The following ADRA1A variants were observed in gnomAD, a reference collection of about 807,000 sequenced individuals.
ADRA1A encodes the protein adrenoceptor alpha 1A, also known as alpha-1A adrenergic receptor.
A neutral mutation model predicts 29.6 loss-of-function variants in ADRA1A; 31 were observed. That is an observed-to-expected ratio of 1.05 (90% CI 0.79 to 1.41). The LOEUF (loss-of-function observed/expected upper bound fraction) is 1.41. Among genes scored for constraint, ADRA1A ranks in the 40% most tolerant of loss-of-function variants. The probability of loss-of-function intolerance (pLI) is 0.00; values close to 1 mark genes in which losing one functional copy is unlikely to be tolerated. For synonymous variants in ADRA1A, 311 were observed against 254.3 expected, an observed-to-expected ratio of 1.22 and a Z score of -2.12; for missense variants, 619 against 601.1, an observed-to-expected ratio of 1.03 and a Z score of -0.31.
downstream of ADRA1A, among the ~76,000 whole-genome samples, chr8:26,764,794 C>T (rs1805681726): frequency 6.6e-6 from 1 of 152,214 alleles, no homozygotes; most frequent in African/African-American, 2.4e-5. Flanking sequence ...TTTCTCTCTA[C>T]TGCGTTTGAA....
chr8:26,823,110 T>G lies in ADRA1A; in HGVS notation c.883+40977A>C, dbSNP rs1810299812. Among the ~76,000 whole-genome samples, 1 of 152,212 alleles carries G rather than the reference T, an allele frequency of 6.6e-6. No individual in the cohort carries two copies. Among genetic ancestry groups the G allele is most frequent in the Non-Finnish European group, 1.5e-5 (1 of 68,034 alleles). On this transcript the variant is annotated intron_variant, in intron 2 of 2. Transcript: ENST00000380573. The surrounding 1 kb of genome is among the most constrained non-coding windows in gnomAD (Gnocchi z 4.2). ...TTTTCTCTCCTTTCCAACTGTGAAC[T>G]GTAATTTTTTGTTATAGGCATTAAC...
At position 26,864,458 on chromosome 8, in the gene ADRA1A, T is replaced by C. The variant is rs1204831166; in HGVS notation, c.512A>G (p.Glu171Gly). 1 of 1,613,494 alleles carries C rather than the reference T, an allele frequency of 6.2e-7. No individual in the cohort carries two copies. The highest frequency in any genetic ancestry group is 1.7e-5 in the Admixed American group (1 of 60,026). ...PLFGWRQPAP[E>G]DETICQINEE... Reference sequence around the variant, plus strand: ...GTTGATCTGGCAGATGGTCTCGTCCTCGGGGGCCGGCTGCCTCCAGCCGAA... The same window carrying C: ...GTTGATCTGGCAGATGGTCTCGTCCCCGGGGGCCGGCTGCCTCCAGCCGAA... The change falls in exon 2 of 3, where the codon GAG (glutamate) becomes GGG (glycine). Residue 171 changes from glutamate (E) to glycine (G), a missense_variant. By Grantham distance (98) the Glu-to-Gly change is moderately conservative. Transcript: ENST00000380573. This position sits in a 1 kb window ranked among gnomAD's most constrained non-coding sequence, Gnocchi z 8.1.
chr8:26,861,292 C>T (rs1185086873), intron 2 of ADRA1A, among the ~76,000 whole-genome samples: 2 of 142,816 alleles, frequency 1.4e-5, no homozygotes, highest in Non-Finnish European at 3.0e-5. Flanking sequence ...GACCTGACCC[C>T]CAGAGGCTCT....
At chr8:26,814,459 G>A (rs915900310) in intron 2 of ADRA1A, among the ~76,000 whole-genome samples, 1 of 152,154 alleles carries the variant, frequency 6.6e-6, no homozygotes, top group African/African-American at 2.4e-5. Context: ...ATGGGGTCTT[G>A]CTATGTTGCC....
At chr8:26,859,022 G>T in intron 2 of ADRA1A, 1 of 1,224,248 alleles carries the variant, frequency 8.2e-7, no homozygotes, top group Admixed American at 3.2e-5. Context: ...CAGTCAAATA[G>T]CCTACTCACC....
chr8:26,858,081 C>CAGAGGGCACAGCTTAAACACAGCTTAAA (rs1813177725), intron 2 of ADRA1A, among the ~76,000 whole-genome samples: 2 of 152,352 alleles, frequency 1.3e-5, no homozygotes, highest in Non-Finnish European at 2.9e-5. Context: ...CCTCAAACAT[C>CAGAGGGCACAGCTTAAACACAGCTTAAA]CAATCTTAAA....
At chr8:26,760,910 G>A (rs561702558), downstream of ADRA1A, among the ~76,000 whole-genome samples, 1 of 152,290 alleles carries the variant, frequency 6.6e-6, no homozygotes, top group East Asian at 1.9e-4. Context: ...GCCTTTCTGG[G>A]TGGATCTTCT....
chr8:26,836,499 C>A (rs997310722), intron 2 of ADRA1A, among the ~76,000 whole-genome samples: 1 of 152,186 alleles, frequency 6.6e-6, no homozygotes, highest in Non-Finnish European at 1.5e-5. Flanking sequence ...GATGTTCTTA[C>A]ACAGCAGCGC....
chr8:26,812,877 A>G (rs913072994), intron 2 of ADRA1A, among the ~76,000 whole-genome samples: 13 of 152,000 alleles, frequency 8.6e-5, no homozygotes, highest in Admixed American at 5.2e-4. Flanking sequence ...CGTGTTAGCC[A>G]GGATGGTCTC....
intron 2 of ADRA1A, among the ~76,000 whole-genome samples, chr8:26,839,946 G>A (rs1811696298): frequency 6.6e-6 from 1 of 152,186 alleles, no homozygotes; most frequent in South Asian, 2.1e-4. Context: ...CACACCACAT[G>A]TTCTCTATAG....
chr8:26,794,362 T>C (rs147605457), intron 2 of ADRA1A, among the ~76,000 whole-genome samples: 131 of 152,220 alleles, frequency 8.6e-4, no homozygotes, highest in Admixed American at 3.7e-3. Flanking sequence ...TCTCTGGTAA[T>C]AGATAGTCTG....
rs1809715743 is a variant in ADRA1A at position 26,815,830 on chromosome 8, C to A, written c.884-45164G>T. Among the ~76,000 whole-genome samples, 1 of 152,154 alleles carries A rather than the reference C, an allele frequency of 6.6e-6. No homozygotes were observed. The highest frequency in any genetic ancestry group is 2.4e-5 in the African/African-American group (1 of 41,414). ...GTAGCTGTCTGTGTTCCCTATAAAA[C>A]AAAGGGTAAGGCAGTGAGTGATTAA... On this transcript the variant is annotated intron_variant, in intron 2 of 2. Transcript: ENST00000380573. The surrounding 1 kb of genome is among the most constrained non-coding windows in gnomAD (Gnocchi z 4.2).
chr8:26,774,393 G>A (rs1333919722), intron 2 of ADRA1A, among the ~76,000 whole-genome samples: 1 of 152,228 alleles, frequency 6.6e-6, no homozygotes, highest in Non-Finnish European at 1.5e-5. Context: ...AAAGGGCTAG[G>A]CATGGTGGCT....
Position 26,861,886 on chromosome 8 carries a change from C to T in ADRA1A, c.883+2201G>A, listed in dbSNP as rs1813500028. Among the ~76,000 whole-genome samples, 3 of 152,226 alleles carry T rather than the reference C, an allele frequency of 2.0e-5. No homozygotes were observed. The South Asian group carries it at 6.2e-4, about 32-fold the overall frequency. On this transcript the variant is annotated intron_variant, in intron 2 of 2. Transcript: ENST00000380573. ...CTCACCTGAGTCCAAGATGTCATGA[C>T]CTCTCTCCCCTCGACTTCTAATAGC...
At chr8:26,812,509 A>G (rs1356491538) in intron 2 of ADRA1A, among the ~76,000 whole-genome samples, 1 of 152,158 alleles carries the variant, frequency 6.6e-6, no homozygotes, top group Non-Finnish European at 1.5e-5. Flanking sequence ...AAGTCAGTAA[A>G]GTTCAGGAGA....
chr8:26,779,399 A>AT (rs1196156479), intron 2 of ADRA1A: 5 of 702,246 alleles, frequency 7.1e-6, no homozygotes, highest in African/African-American at 3.5e-5. Context: ...TGGGTGAGTC[A>AT]TTTTTTCCTT....
intron 2 of ADRA1A, among the ~76,000 whole-genome samples, chr8:26,847,227 A>C (rs1458525834): frequency 6.6e-6 from 1 of 152,086 alleles, no homozygotes; most frequent in East Asian, 1.9e-4. Flanking sequence ...AATAATAATA[A>C]ATAAAAAAAA....
chr8:26,756,940 G>T (rs905763286), intron 2 of ADRA1A: 1 of 1,132,772 alleles, frequency 8.8e-7, no homozygotes, highest in Non-Finnish European at 1.3e-6. Flanking sequence ...CAGTAGAGCG[G>T]GTTCTCAAGT....
intron 2 of ADRA1A, among the ~76,000 whole-genome samples, chr8:26,778,127 C>T (rs1333684883): frequency 2.0e-5 from 3 of 152,120 alleles, no homozygotes; most frequent in South Asian, 2.1e-4. Context: ...TCAAATGGTT[C>T]GTCTCACCAG....
Sources: gnomAD v4.1 joint callset for allele counts (sites outside exome capture counted in the v4.1 genomes callset) on GRCh38, gnomAD v4.1.1 for gene constraint, Gnocchi (gnomAD v3.1) non-coding constraint, MANE v1.5 for transcripts, NCBI Gene and HGNC (gene_info 2026-07-23, HGNC 2026-07-21) for gene names.